Variants in ASPM observed in about 807,000 individuals in gnomAD.
The protein encoded by ASPM is assembly factor for spindle microtubules.
A neutral mutation model predicts 366.4 loss-of-function variants in ASPM; 256 were observed. That is an observed-to-expected ratio of 0.70 (90% confidence interval 0.63 to 0.77). The LOEUF is 0.77. Among genes scored for constraint, ASPM ranks in the 30% least tolerant of loss-of-function variants. The pLI, the probability that ASPM is intolerant of heterozygous loss-of-function variation, is 0.00. For missense variants in ASPM, 4,146 were observed against 4,090.4 expected, an observed-to-expected ratio of 1.01 and a Z score of -0.37; for synonymous variants, 1,414 against 1,342.9, an observed-to-expected ratio of 1.05 and a Z score of -1.16.
chr1:197,145,065 G>A (rs914624821), intron 1 of ASPM, among the ~76,000 whole-genome samples: 8 of 152,148 alleles, frequency 5.3e-5, no homozygotes, highest in Non-Finnish European at 1.0e-4. Context: ...AAACAGAGGG[G>A]CGGGGTGGGT....
chr1:197,099,969 G>A (rs906569520), intron 18 of ASPM, among the ~76,000 whole-genome samples: 1 of 151,524 alleles, frequency 6.6e-6, no homozygotes, highest in Non-Finnish European at 1.5e-5. Flanking sequence ...AAATTGATTT[G>A]GAAGCCAAAG....
chr1:197,142,256 T>C (rs1032588616), intron 3 of ASPM, 75 bp downstream of exon 3: 20 of 1,466,458 alleles, frequency 1.4e-5, no homozygotes, highest in Non-Finnish European at 1.7e-5. Flanking sequence ...AGCTTATCAA[T>C]AGCAGATTTA....
rs769818500 is a variant in ASPM at position 197,122,478 on chromosome 1, CCA to C, written c.3506_3507del (p.Val1169GlyfsTer15). 1.2e-6 allele frequency: 2 copies of C among 1,613,754 alleles called. No individual in the cohort carries two copies. The highest frequency in any genetic ancestry group is 1.7e-6 in the Non-Finnish European group (2 of 1,179,790). ...ACCACTGAACCAGTTTGCGTACATT[CCA>C]CAGTTTGAGTAGTACGCTGACATAT... ...DAICQRTTQT[V>X]ECTQTGSVVL... On this transcript the variant is annotated frameshift_variant, in exon 14 of 28. Coordinates refer to ENST00000367409, the MANE Select transcript of ASPM (RefSeq NM_018136.5). LOFTEE classifies it high-confidence loss of function.
rs922679647 is a variant in ASPM at position 197,127,236 on chromosome 1, T to C, written c.2936+1254A>G. The stretch of plus-strand genomic sequence containing the variant: ...TCCAAATAGCTTCTTTCCTATTCAG[T>C]TGAGTTTTAGACAACATGAATTTTA... On this transcript the variant is annotated intron_variant, in intron 10 of 27. Coordinates refer to ENST00000367409, the MANE Select transcript of ASPM (RefSeq NM_018136.5). Among the ~76,000 whole-genome samples the C allele has an allele frequency of 3.9e-5, 6 of 152,196 alleles. No homozygotes were observed. In the South Asian group the frequency reaches 1.0e-3, roughly 26 times the overall value.
intron 19 of ASPM, among the ~76,000 whole-genome samples, chr1:197,095,343 C>T (rs1656937106): frequency 6.6e-6 from 1 of 151,634 alleles, no homozygotes; most frequent in Non-Finnish European, 1.5e-5. Context: ...TGGGCTTCAT[C>T]CAAAAATTCC....
intron 17 of ASPM, among the ~76,000 whole-genome samples, chr1:197,107,238 T>A (rs572920050): frequency 1.3e-5 from 2 of 152,174 alleles, no homozygotes; most frequent in East Asian, 3.9e-4. Context: ...CACAGTAGGC[T>A]ATAGACTTTA....
rs557335312 is a variant in ASPM, at chr1:197,141,077, CAAT to C, written c.1922-1209_1922-1207del. The stretch of plus-strand genomic sequence containing the variant: ...CTGCTACTAAATATAAGCAAAGAGA[CAAT>C]AAGAGCAGGGGTCAGCAAACTACAT... On this transcript the variant is annotated intron_variant, in intron 3 of 27. Transcript: ENST00000367409. 3.7e-3 allele frequency among the ~76,000 whole-genome samples: 562 copies of C among 152,056 alleles called. 3 individuals carry two copies. The highest frequency in any genetic ancestry group is 0.013 in the African/African-American group (532 of 41,486).
chr1:197,146,110 C>G (rs571336022), intron 1 of ASPM, 31 bp downstream of exon 1: 1 of 1,613,552 alleles, frequency 6.2e-7, no homozygotes, highest in South Asian at 1.1e-5. Context: ...AGCAGAACAC[C>G]GGCCTGGAGC....
In ASPM at chr1:197,122,285, T is replaced by TCAAA; in HGVS notation, c.3614_3615insTTTG (p.Tyr1206LeufsTer9). 2 of 1,613,758 alleles carry TCAAA rather than the reference T, an allele frequency of 1.2e-6. No homozygotes were observed. Among genetic ancestry groups the TCAAA allele is most frequent in the Non-Finnish European group, 1.7e-6 (2 of 1,179,742 alleles). ...TTTCATTTTCTAGGAGCTCTTTGTA[T>TCAAA]AGCTCTGAAGTATTTTCTATTATGC... On this transcript the variant is annotated frameshift_variant, in exon 15 of 28. Transcript: ENST00000367409. LOFTEE classifies it high-confidence loss of function.
At position 197,143,379 on chromosome 1, in the gene ASPM, T is replaced by C; in HGVS notation, c.873A>G (p.Gly291=). Reference sequence around the variant, plus strand: ...GGGTAAGACTAAGTTTACTATTCTCTCCTCTTTGGCCATTAACATTTACGG... The same window carrying C: ...GGGTAAGACTAAGTTTACTATTCTCCCCTCTTTGGCCATTAACATTTACGG... ...FNSVNVNGQR[G]ENSKLSLTPN... Residue 291 remains glycine, a synonymous_variant, in exon 3 of 28, where the codon GGA becomes GGG. Transcript: ENST00000367409. The C allele has an allele frequency of 6.2e-7, 1 of 1,613,922 alleles. No individual in the cohort carries two copies. The highest frequency in any genetic ancestry group is 1.6e-4 in the Middle Eastern group (1 of 6,062).
chr1:197,122,607 T>C lies in ASPM; in HGVS notation c.3391-12A>G, dbSNP rs999013353. On this transcript the variant is annotated splice_polypyrimidine_tract_variant and intron_variant, in intron 13 of 27. Transcript: ENST00000367409. ...GTAAAATTCTCCACCTGATTGAAAA[T>C]GCCAGAAAAACAATTAACCGCATTT... 1.9e-6 allele frequency: 3 copies of C among 1,587,548 alleles called. No homozygotes were observed. The highest frequency in any genetic ancestry group is 2.6e-6 in the Non-Finnish European group (3 of 1,164,210).
chr1:197,146,081 G>A, intron 1 of ASPM, 60 bp downstream of exon 1: 1 of 1,594,460 alleles, frequency 6.3e-7, no homozygotes, highest in South Asian at 1.1e-5. Context: ...GAGGAGGGTG[G>A]CAGGAAAGAT....
chr1:197,139,087 T>G (rs1328606622), intron 4 of ASPM: 2 of 752,254 alleles, frequency 2.7e-6, no homozygotes, highest in Non-Finnish European at 4.8e-6. Flanking sequence ...GCCCATTTTC[T>G]GCAGTTTTTG....
intron 6 of ASPM, 54 bp from the exon 7 acceptor site, chr1:197,132,406 A>G: frequency 6.7e-7 from 1 of 1,500,264 alleles, no homozygotes; most frequent in South Asian, 1.1e-5. Context: ...AATAGAGACA[A>G]GAAATAAAAC....
rs1378120896 is a variant in ASPM, at chr1:197,088,274, C to A, written c.10143G>T (p.Lys3381Asn). The A allele has an allele frequency of 6.2e-7, 1 of 1,613,134 alleles. No homozygotes were observed. ...TACTTACAGAGGCTCTATTTGTTGT[C>A]TTCAGTAAAATAGCCAACAAACAAC... ...KTCCLLAILLKTTNRASDVRS... is the reference protein window; with the variant it reads ...KTCCLLAILLNTTNRASDVRS... The change falls in exon 26 of 28, where the codon AAG (lysine) becomes AAT (asparagine). Residue 3381 changes from lysine (K) to asparagine (N), a missense_variant. By Grantham distance (94) the Lys-to-Asn change is moderately conservative (BLOSUM62 0). This residue lies in a region of ASPM where 3,624 missense variants were observed against 3,591.7 expected (regional missense o/e 1.01). Coordinates refer to ENST00000367409, the MANE Select transcript of ASPM (RefSeq NM_018136.5).
At chr1:197,112,333 AAAC>A (rs1657610190) in intron 17 of ASPM, among the ~76,000 whole-genome samples, 1 of 152,046 alleles carries the variant, frequency 6.6e-6, no homozygotes. Flanking sequence ...ACACAGAGGG[AAAC>A]AACACACAGT....
chr1:197,146,535 G>C lies in ASPM; in HGVS notation c.-98C>G. ...CTTACGCTGACCGCTTCCCCTCAGG[G>C]GCGGCTGTAGAGGTCGTGGGAGTGA... is the stretch of plus-strand genomic sequence containing the variant. On this transcript the variant is annotated 5_prime_UTR_variant, in exon 1 of 28. Transcript: ENST00000367409. 7.2e-7 allele frequency: 1 copy of C among 1,388,822 alleles called. No homozygotes were observed. Among genetic ancestry groups the C allele is most frequent in the Non-Finnish European group, 1.0e-6 (1 of 1,002,536 alleles). 86.0% of individuals were successfully genotyped at this position (1,388,822 alleles called of 1,614,324 possible).
At chr1:197,132,403 A>T (rs1421234207) in intron 6 of ASPM, 51 bp from the exon 7 acceptor site, 2 of 1,508,642 alleles carry the variant, frequency 1.3e-6, no homozygotes, top group African/African-American at 1.4e-5. Context: ...TCAAATAGAG[A>T]CAAGAAATAA....
At chr1:197,139,183 C>T (rs1571627144) in intron 4 of ASPM, 7 of 962,840 alleles carry the variant, frequency 7.3e-6, no homozygotes, top group East Asian at 2.4e-5. Context: ...TGGAGCTTAA[C>T]GAAGTCACAG....
Sources: gnomAD v4.1 joint callset for allele counts (sites outside exome capture counted in the v4.1 genomes callset) on GRCh38, gnomAD v4.1.1 for gene constraint, gnomAD v4.1.1 regional missense constraint, MANE v1.5 for transcripts, NCBI Gene and HGNC (gene_info 2026-07-23, HGNC 2026-07-21) for gene names.